The following ACTR8 variants were observed in gnomAD, a reference collection of about 807,000 sequenced individuals.
The protein encoded by ACTR8 is actin related protein 8, also known as actin-related protein 8.
ACTR8 carries 70 observed loss-of-function variants against 84.3 expected under a neutral mutation model. The observed-to-expected ratio is 0.83, with a 90% CI of 0.68 to 1.01. The LOEUF (loss-of-function observed/expected upper bound fraction) is 1.01, where lower values mean the gene tolerates loss of function less well. ACTR8 is among the 50% of genes least tolerant of loss of function. The pLI is 0.00. For synonymous variants in ACTR8, 268 were observed against 275.2 expected (o/e 0.97, Z 0.26); for missense variants, 672 against 775.4 (o/e 0.87, Z 1.58).
intron 7 of ACTR8, among the ~76,000 whole-genome samples, chr3:53,875,167 A>G (rs1699947326): frequency 6.6e-6 from 1 of 152,260 alleles, no homozygotes; most frequent in Non-Finnish European, 1.5e-5. Flanking sequence ...AACAAGTGGC[A>G]TTGGATATTC....
the ACTR8 span, among the ~76,000 whole-genome samples, chr3:53,862,020 A>G: frequency 1.3e-5 from 2 of 152,186 alleles, no homozygotes; most frequent in African/African-American, 4.8e-5. Context: ...AAAGATAAAC[A>G]CCAGCTGCCA....
downstream of ACTR8, chr3:53,865,497 TACA>T (rs1699755332): frequency 1.8e-6 from 1 of 544,634 alleles, no homozygotes; most frequent in East Asian, 2.9e-5. Flanking sequence ...AAACTACATT[TACA>T]ACTTCAAAGC....
chr3:53,874,165 T>G lies in ACTR8; in HGVS notation c.1065+46A>C, dbSNP rs779122328. 4.4e-6 allele frequency: 7 copies of G among 1,574,718 alleles called. No homozygotes were observed. The Middle Eastern group carries it at 5.1e-4, about 116-fold the overall frequency. Reference sequence around the variant, plus strand: ...TAAGTATCTTTTAAATCTCTTAAATTTTTCCTAGAAACAAAAATAATCAGC... The same window carrying G: ...TAAGTATCTTTTAAATCTCTTAAATGTTTCCTAGAAACAAAAATAATCAGC... On this transcript the variant is annotated intron_variant, in intron 8 of 12. Coordinates refer to ENST00000335754, the MANE Select transcript of ACTR8 (RefSeq NM_022899.5).
At chr3:53,864,528 A>C (rs2884631), downstream of ACTR8, among the ~76,000 whole-genome samples, 1 of 151,528 alleles carries the variant, frequency 6.6e-6, no homozygotes, top group African/African-American at 2.4e-5. Flanking sequence ...GAGTGAGACT[A>C]TGTCTCCAAA....
Position 53,878,473 on chromosome 3 carries a change from GA to G in ACTR8, c.295-7del. ...TGTTCATTACTTTCTGGTTTCTGGG[GA>G]AAAAATGAAAGATGAGCAGTACAAA... On this transcript the variant is annotated splice_polypyrimidine_tract_variant and splice_region_variant and intron_variant, in intron 2 of 12. Coordinates refer to ENST00000335754, the MANE Select transcript of ACTR8 (RefSeq NM_022899.5). 1 of 1,559,760 alleles carries G rather than the reference GA, an allele frequency of 6.4e-7. No homozygotes were observed. The highest frequency in any genetic ancestry group is 8.8e-7 in the Non-Finnish European group (1 of 1,134,876).
At position 53,868,873 on chromosome 3, in the gene ACTR8, G is replaced by A; in HGVS notation, c.1732-11C>T. The A allele has an allele frequency of 6.2e-7, 1 of 1,612,362 alleles. No individual in the cohort carries two copies. The highest frequency in any genetic ancestry group is 1.1e-5 in the South Asian group (1 of 90,746). Reference sequence around the variant, plus strand: ...CCGGGGGTCCATGTCCTACAGAAGGGATGAAGGCATTTCAGCCTAATCACA... The same window carrying A: ...CCGGGGGTCCATGTCCTACAGAAGGAATGAAGGCATTTCAGCCTAATCACA... On this transcript the variant is annotated splice_polypyrimidine_tract_variant and intron_variant, in intron 12 of 12. Transcript: ENST00000335754.
intron 12 of ACTR8, among the ~76,000 whole-genome samples, chr3:53,869,656 T>TA (rs1456043289): frequency 6.6e-6 from 1 of 152,150 alleles, no homozygotes; most frequent in African/African-American, 2.4e-5. Flanking sequence ...ATCCTTAATA[T>TA]AAAAAAGAGA....
At chr3:53,862,341 C>G (rs1202822468), downstream of ACTR8, among the ~76,000 whole-genome samples, 1 of 152,116 alleles carries the variant, frequency 6.6e-6, no homozygotes, top group Non-Finnish European at 1.5e-5. Flanking sequence ...GACGAGAACA[C>G]CAACAGAGAG....
the ACTR8 span, chr3:53,860,106 G>A: frequency 1.9e-6 from 3 of 1,554,540 alleles, no homozygotes; most frequent in African/African-American, 1.4e-5. Flanking sequence ...TTTTCCAAAG[G>A]TGAATAAGCT....
At chr3:53,862,541 T>TG (rs1477987650), downstream of ACTR8, among the ~76,000 whole-genome samples, 1 of 151,712 alleles carries the variant, frequency 6.6e-6, no homozygotes, top group Non-Finnish European at 1.5e-5. Context: ...GCAAAAAAGG[T>TG]GGGGGGTGAA....
downstream of ACTR8, among the ~76,000 whole-genome samples, chr3:53,863,701 A>G (rs1368275382): frequency 6.6e-6 from 1 of 152,220 alleles, no homozygotes; most frequent in African/African-American, 2.4e-5. Flanking sequence ...ACCTGCAGGT[A>G]GAAGACAGTA....
chr3:53,876,770 C>G, intron 5 of ACTR8, 57 bp from the exon 6 acceptor site: 1 of 906,138 alleles, frequency 1.1e-6, no homozygotes, highest in South Asian at 1.6e-5. Context: ...AGGTCAAATT[C>G]ACACTCCTTT....
the ACTR8 span, chr3:53,860,413 T>C: frequency 4.6e-6 from 2 of 439,248 alleles, no homozygotes; most frequent in Non-Finnish European, 8.1e-6. Flanking sequence ...ACATGCCAGG[T>C]GAAAGCAGGG....
intron 3 of ACTR8, 127 bp downstream of exon 3, chr3:53,878,230 G>A: frequency 1.3e-6 from 1 of 765,564 alleles, no homozygotes. Context: ...AAGTGGTTAT[G>A]AGGGGTTTTC....
chr3:53,859,389 T>G, the ACTR8 span: 1 of 152,312 alleles, frequency 6.6e-6, no homozygotes, highest in Admixed American at 6.5e-5. Context: ...GGGTCAAAAG[T>G]TGGAAGGTGT....
chr3:53,872,403 G>A lies in ACTR8; in HGVS notation c.1283C>T (p.Thr428Ile). 6.2e-7 allele frequency: 1 copy of A among 1,608,292 alleles called. No homozygotes were observed. Among genetic ancestry groups the A allele is most frequent in the Non-Finnish European group, 8.5e-7 (1 of 1,178,034 alleles). ...ACGGACCTGTTCTTGTTTGCTCTGT[G>A]TGGCCAGCAGGTAATGTTCATCGTG... ...DPHDEHYLLA[T>I]QSKQEQSAKA... The change falls in exon 10 of 13, where the codon ACA becomes ATA. Residue 428 changes from threonine (T) to isoleucine (I), a missense_variant. Thr to Ile is a moderately conservative substitution (Grantham distance 89). Coordinates refer to ENST00000335754, the MANE Select transcript of ACTR8 (RefSeq NM_022899.5).
chr3:53,865,854 A>AT (rs1194857415), downstream of ACTR8: 1 of 152,432 alleles, frequency 6.6e-6, no homozygotes, highest in Admixed American at 6.5e-5. Context: ...TGGTATTTGC[A>AT]TAAGACCTTC....
At chr3:53,859,488 A>G in the ACTR8 span, 5 of 152,444 alleles carry the variant, frequency 3.3e-5, no homozygotes, top group African/African-American at 1.2e-4. Context: ...ATTCCTGGGC[A>G]CTCTGTGCCT....
chr3:53,873,267 T>C lies in ACTR8; in HGVS notation c.1066-140A>G, dbSNP rs9816010. Reference sequence around the variant, plus strand: ...GCTTTGTACCACTCACACTATAATTTAGTAAAATAGGAATTAAGTTGTACT... The same window carrying C: ...GCTTTGTACCACTCACACTATAATTCAGTAAAATAGGAATTAAGTTGTACT... On this transcript the variant is annotated intron_variant, in intron 8 of 12. Coordinates refer to ENST00000335754, the MANE Select transcript of ACTR8 (RefSeq NM_022899.5). 1.1e-3 allele frequency: 540 copies of C among 486,590 alleles called. 4 individuals carry two copies. The highest frequency in any genetic ancestry group is 9.3e-3 in the African/African-American group (485 of 52,382). The allele number at this position is 486,590 out of a possible 1,614,324, so 30.1% of individuals were successfully genotyped here.
Sources: allele counts gnomAD v4.1 joint callset (sites outside exome capture counted in the v4.1 genomes callset), GRCh38; gene constraint gnomAD v4.1.1; transcripts MANE v1.5; gene names NCBI Gene and HGNC (gene_info 2026-07-23, HGNC 2026-07-21).